Variants in CAB39 observed in about 807,000 individuals in gnomAD.
The protein encoded by CAB39 is calcium binding protein 39.
CAB39 carries 8 observed loss-of-function variants against 40.0 expected under a neutral mutation model. The ratio of observed to expected loss-of-function variants is 0.20; its 90% CI spans 0.12 to 0.36. The LOEUF is 0.36. Among genes scored for constraint, CAB39 ranks in the 10% least tolerant of loss-of-function variants. The probability of loss-of-function intolerance (pLI) is 1.00; values close to 1 mark genes in which losing one functional copy is unlikely to be tolerated. For synonymous variants in CAB39, 156 were observed against 141.6 expected (o/e 1.10, Z -0.72); for missense variants, 270 against 401.1 (o/e 0.67, Z 2.79).
rs975161906 is a variant in CAB39, at chr2:230,725,338, G to T, written c.-44+12108G>T. The T allele has an allele frequency of 2.6e-5, 41 of 1,579,760 alleles. No individual in the cohort carries two copies. In the East Asian group the frequency reaches 5.8e-4, roughly 22 times the overall value. On this transcript the variant is annotated intron_variant, in intron 1 of 8. Coordinates refer to ENST00000258418, the MANE Select transcript of CAB39 (RefSeq NM_016289.4). Reference sequence around the variant, plus strand: ...CCAGGACTTCACCAATCCCAGCCAGGCTCCCCACTGGCTTCTCCCCCATGG... The same window carrying T: ...CCAGGACTTCACCAATCCCAGCCAGTCTCCCCACTGGCTTCTCCCCCATGG...
rs564124524 is a variant in CAB39 at position 230,751,949 on chromosome 2, G to A, written c.-43-8010G>A. ...ATTTTGCATAATGAACAGTATAACC[G>A]TTTTTTAAAAGCTCGAATTTTAACT... On this transcript the variant is annotated intron_variant, in intron 1 of 8. Coordinates refer to ENST00000258418, the MANE Select transcript of CAB39 (RefSeq NM_016289.4). Among the ~76,000 whole-genome samples the A allele has an allele frequency of 1.7e-4, 25 of 147,326 alleles. 1 individual carries two copies. Among genetic ancestry groups the A allele is most frequent in the East Asian group, 1.0e-3 (5 of 4,974 alleles).
At chr2:230,758,329 T>A (rs2124916817) in intron 1 of CAB39, among the ~76,000 whole-genome samples, 1 of 152,066 alleles carries the variant, frequency 6.6e-6, no homozygotes, top group Non-Finnish European at 1.5e-5. Context: ...CCTTGGATAT[T>A]TAAGAACCTA....
intron 2 of CAB39, among the ~76,000 whole-genome samples, chr2:230,767,265 A>G (rs919808045): frequency 6.6e-6 from 1 of 152,166 alleles, no homozygotes; most frequent in Admixed American, 6.5e-5. Flanking sequence ...TTTCAGGCCA[A>G]AAGTCTTAAG....
intron 5 of CAB39, among the ~76,000 whole-genome samples, chr2:230,799,591 A>G (rs188177965): frequency 5.9e-5 from 9 of 152,392 alleles, no homozygotes; most frequent in East Asian, 5.8e-4. Context: ...TTTACAATCT[A>G]TGAATAAAGC....
intron 4 of CAB39, among the ~76,000 whole-genome samples, chr2:230,797,977 G>C (rs778386016): frequency 6.6e-6 from 1 of 152,176 alleles, no homozygotes; most frequent in Admixed American, 6.5e-5. Flanking sequence ...CGATGTGTTT[G>C]AGGGGGCGGA....
chr2:230,727,636 A>G (rs528297965), intron 1 of CAB39, among the ~76,000 whole-genome samples: 100 of 151,768 alleles, frequency 6.6e-4, no homozygotes, highest in African/African-American at 2.4e-3. Context: ...AGGCTGGTCC[A>G]GAACTGGGCT....
chr2:230,714,555 T>C (rs2124841057), intron 1 of CAB39, among the ~76,000 whole-genome samples: 1 of 152,346 alleles, frequency 6.6e-6, no homozygotes, highest in African/African-American at 2.4e-5. Context: ...TCTTGCACTT[T>C]GTATTAGGCG....
At chr2:230,768,293 A>T (rs185560446) in intron 2 of CAB39, among the ~76,000 whole-genome samples, 211 of 152,304 alleles carry the variant, frequency 1.4e-3, no homozygotes, top group African/African-American at 4.8e-3. Context: ...CAACTACTGT[A>T]TTATATTTCT....
intron 2 of CAB39, among the ~76,000 whole-genome samples, chr2:230,780,780 T>C (rs1695673308): frequency 6.6e-6 from 1 of 152,192 alleles, no homozygotes; most frequent in Non-Finnish European, 1.5e-5. Context: ...TTTTTCCTTT[T>C]GTCATTAATA....
intron 1 of CAB39, among the ~76,000 whole-genome samples, chr2:230,724,056 G>A (rs1694504983): frequency 2.0e-5 from 3 of 151,934 alleles, no homozygotes; most frequent in African/African-American, 7.3e-5. Context: ...AGACCAGCCT[G>A]GGCAACATGG....
chr2:230,717,834 C>A (rs531334544), intron 1 of CAB39, among the ~76,000 whole-genome samples: 2 of 152,268 alleles, frequency 1.3e-5, no homozygotes, highest in South Asian at 4.1e-4. Flanking sequence ...TGGTTTATAG[C>A]AGCTGTGATG....
chr2:230,813,609 G>GT (rs1282072965), intron 6 of CAB39, among the ~76,000 whole-genome samples: 1 of 152,020 alleles, frequency 6.6e-6, no homozygotes, highest in African/African-American at 2.4e-5. Flanking sequence ...TCTCTTTGTG[G>GT]TTGTGCTTTG....
chr2:230,714,534 G>A (rs769724918), intron 1 of CAB39, among the ~76,000 whole-genome samples: 1 of 152,206 alleles, frequency 6.6e-6, no homozygotes, highest in Non-Finnish European at 1.5e-5. Flanking sequence ...TCGCTACAGT[G>A]CATAAAAACT....
intron 2 of CAB39, among the ~76,000 whole-genome samples, chr2:230,769,143 A>G (rs1392001002): frequency 1.3e-5 from 2 of 152,260 alleles, no homozygotes; most frequent in Non-Finnish European, 2.9e-5. Context: ...AGAGCAAAGA[A>G]TATTACCAAG....
chr2:230,781,620 G>A (rs1695687794), intron 2 of CAB39, among the ~76,000 whole-genome samples: 2 of 152,204 alleles, frequency 1.3e-5, no homozygotes, highest in Admixed American at 6.5e-5. Context: ...GTGACATGAT[G>A]ATTCAGCAGC....
At chr2:230,783,461 T>TTGTTTTGTTTTG (rs1695731665) in intron 2 of CAB39, among the ~76,000 whole-genome samples, 1 of 151,600 alleles carries the variant, frequency 6.6e-6, no homozygotes, top group African/African-American at 2.4e-5. Context: ...TTGTTTTGTT[T>TTGTTTTGTTTTG]TGTTTTGTTT....
At chr2:230,769,501 A>G (rs1468133519) in intron 2 of CAB39, among the ~76,000 whole-genome samples, 1 of 152,250 alleles carries the variant, frequency 6.6e-6, no homozygotes. Context: ...AAGGTAGACC[A>G]TATTTTGGGT....
intron 2 of CAB39, among the ~76,000 whole-genome samples, chr2:230,763,634 A>G (rs1401886982): frequency 6.6e-6 from 1 of 152,040 alleles, no homozygotes; most frequent in East Asian, 1.9e-4. Flanking sequence ...CTGGTCTCAC[A>G]GCTGTGTAAT....
At chr2:230,742,426 C>T (rs1419272752) in intron 1 of CAB39, among the ~76,000 whole-genome samples, 7 of 152,138 alleles carry the variant, frequency 4.6e-5, no homozygotes, top group African/African-American at 7.2e-5. Context: ...TCGCCCGCCT[C>T]GGCCTCCCAC....
Sources: allele counts gnomAD v4.1 joint callset (sites outside exome capture counted in the v4.1 genomes callset), GRCh38; gene constraint gnomAD v4.1.1; transcripts MANE v1.5; gene names NCBI Gene and HGNC (gene_info 2026-07-23, HGNC 2026-07-21).